The following SGCD variants were observed in gnomAD, a reference collection of about 807,000 sequenced individuals.
SGCD encodes the protein sarcoglycan delta, also known as delta-sarcoglycan.
Under a neutral mutation model 36.6 loss-of-function variants are expected in SGCD, and 18 were observed. The observed-to-expected ratio is 0.49, with a 90% CI of 0.34 to 0.73. SGCD has a LOEUF of 0.73. Among genes scored for constraint, SGCD ranks in the 30% least tolerant of loss-of-function variants. SGCD has a pLI of 0.01. For synonymous variants in SGCD, 133 were observed against 130.6 expected, an observed-to-expected ratio of 1.02 and a Z score of -0.12; for missense variants, 387 against 346.7, an observed-to-expected ratio of 1.12 and a Z score of -0.92.
intron 1 of SGCD, among the ~76,000 whole-genome samples, chr5:156,013,707 T>C (rs1307333408): frequency 6.6e-6 from 1 of 152,218 alleles, no homozygotes; most frequent in Non-Finnish European, 1.5e-5. Flanking sequence ...CTCTTTTAAA[T>C]GTTAAGGTTA....
chr5:156,731,738 G>A (rs1433521648), intron 7 of SGCD, among the ~76,000 whole-genome samples: 9 of 152,096 alleles, frequency 5.9e-5, no homozygotes, highest in Non-Finnish European at 8.8e-5. Context: ...AATAGGCATA[G>A]CATTGAATCT....
At chr5:156,293,914 A>C (rs1390039024) in intron 3 of SGCD, among the ~76,000 whole-genome samples, 1 of 152,196 alleles carries the variant, frequency 6.6e-6, no homozygotes. Context: ...TCTGTAGATC[A>C]TTTTGAATAG....
At chr5:155,960,447 G>T (rs1486139859) in intron 1 of SGCD, among the ~76,000 whole-genome samples, 2 of 152,056 alleles carry the variant, frequency 1.3e-5, no homozygotes, top group East Asian at 3.9e-4. Context: ...GCTCAGGCCT[G>T]TATCTTTCTC....
the SGCD span, among the ~76,000 whole-genome samples, chr5:155,788,802 G>T: frequency 3.9e-5 from 6 of 152,116 alleles, no homozygotes; most frequent in African/African-American, 1.4e-4. Flanking sequence ...CCATCACTAG[G>T]CAGAACATCC....
chr5:155,807,249 C>T, the SGCD span, among the ~76,000 whole-genome samples: 26 of 152,246 alleles, frequency 1.7e-4, no homozygotes, highest in African/African-American at 6.0e-4. Context: ...CATTTAAATC[C>T]TTGTGAAAGT....
intron 3 of SGCD, among the ~76,000 whole-genome samples, chr5:156,369,309 A>C (rs1770266681): frequency 6.6e-6 from 1 of 152,160 alleles, no homozygotes; most frequent in Non-Finnish European, 1.5e-5. Context: ...GTGAAGAGGA[A>C]TTTGGGGGCT....
At chr5:156,508,005 G>A (rs930450017) in intron 3 of SGCD, among the ~76,000 whole-genome samples, 3 of 152,172 alleles carry the variant, frequency 2.0e-5, no homozygotes, top group Admixed American at 6.5e-5. Flanking sequence ...GTAGGTGGCA[G>A]TAATAGATAA....
At chr5:156,604,658 G>C (rs1006854602) in intron 6 of SGCD, among the ~76,000 whole-genome samples, 2 of 141,420 alleles carry the variant, frequency 1.4e-5, no homozygotes, top group African/African-American at 5.4e-5. Context: ...TTTCTTGCCT[G>C]AAAACATATA....
At chr5:155,961,604 G>A (rs113350881) in intron 1 of SGCD, among the ~76,000 whole-genome samples, 19 of 152,174 alleles carry the variant, frequency 1.2e-4, no homozygotes, top group South Asian at 6.2e-4. Context: ...GTGTGTTGCC[G>A]TCCTACCATC....
intron 3 of SGCD, among the ~76,000 whole-genome samples, chr5:156,420,676 T>C (rs1773261073): frequency 6.6e-6 from 1 of 152,130 alleles, no homozygotes; most frequent in Non-Finnish European, 1.5e-5. Flanking sequence ...AAGATATCAA[T>C]GAGATATTTC....
At chr5:156,454,109 A>G (rs1023075904) in intron 3 of SGCD, among the ~76,000 whole-genome samples, 2 of 152,182 alleles carry the variant, frequency 1.3e-5, no homozygotes, top group African/African-American at 4.8e-5. Flanking sequence ...TTGATTATGT[A>G]TAAGTCAGAC....
At chr5:156,558,085 A>G (rs1759105703) in intron 4 of SGCD, among the ~76,000 whole-genome samples, 1 of 83,634 alleles carries the variant, frequency 1.2e-5, no homozygotes, top group Non-Finnish European at 2.3e-5. Flanking sequence ...ATTAGTAAAT[A>G]CAAATATATA....
At chr5:155,873,312 C>A (rs938833934) in intron 1 of SGCD, among the ~76,000 whole-genome samples, 2 of 152,110 alleles carry the variant, frequency 1.3e-5, no homozygotes, top group African/African-American at 4.8e-5. Context: ...AACTAACATG[C>A]AGCCACTTGA....
At chr5:156,512,825 G>T (rs973700088) in intron 4 of SGCD, among the ~76,000 whole-genome samples, 3 of 151,976 alleles carry the variant, frequency 2.0e-5, no homozygotes, top group African/African-American at 7.3e-5. Context: ...TATATAAATG[G>T]AATCATATAG....
At chr5:156,749,030 GCT>G (rs1349688620) in intron 7 of SGCD, among the ~76,000 whole-genome samples, 1 of 152,068 alleles carries the variant, frequency 6.6e-6, no homozygotes, top group Non-Finnish European at 1.5e-5. Context: ...TTCCCAAAGT[GCT>G]AGGATTATAG....
intron 3 of SGCD, among the ~76,000 whole-genome samples, chr5:156,392,059 C>G (rs1032389072): frequency 6.6e-6 from 1 of 152,164 alleles, no homozygotes; most frequent in Non-Finnish European, 1.5e-5. Context: ...TTCTCAAATG[C>G]AAGAAATACT....
chr5:156,559,205 C>A (rs999304003), intron 4 of SGCD, among the ~76,000 whole-genome samples: 1 of 152,140 alleles, frequency 6.6e-6, no homozygotes, highest in Non-Finnish European at 1.5e-5. Flanking sequence ...ACAGGCCCAA[C>A]TTCAAAAGTG....
At chr5:156,241,250 A>ATGTGTG (rs1765296733) in intron 3 of SGCD, among the ~76,000 whole-genome samples, 1 of 99,548 alleles carries the variant, frequency 1.0e-5, no homozygotes, top group African/African-American at 4.5e-5. Context: ...TTAGACCAAA[A>ATGTGTG]CGTGTGTGTG....
chr5:156,705,746 A>G (rs926458365), intron 7 of SGCD, among the ~76,000 whole-genome samples: 3 of 152,160 alleles, frequency 2.0e-5, no homozygotes, highest in Non-Finnish European at 4.4e-5. Flanking sequence ...GACATTGCAT[A>G]TATCTTAAAG....
Sources: gnomAD v4.1 joint callset for allele counts (sites outside exome capture counted in the v4.1 genomes callset) on GRCh38, gnomAD v4.1.1 for gene constraint, MANE v1.5 for transcripts, NCBI Gene and HGNC (gene_info 2026-07-23, HGNC 2026-07-21) for gene names.